The following ZNF804A variants were observed in gnomAD, a reference collection of about 807,000 sequenced individuals.
The protein encoded by ZNF804A is zinc finger protein 804A.
ZNF804A carries 2 observed loss-of-function variants against 16.5 expected under a neutral mutation model. The observed-to-expected ratio is 0.12, with a 90% CI of 0.05 to 0.38. ZNF804A has a LOEUF of 0.38. ZNF804A is among the 10% of genes least tolerant of loss of function. ZNF804A has a pLI of 0.99. For missense variants in ZNF804A, 1,473 were observed against 1,390.7 expected, an observed-to-expected ratio of 1.06 and a Z score of -0.94; for synonymous variants, 534 against 489.6, an observed-to-expected ratio of 1.09 and a Z score of -1.20.
chr2:184,921,715 G>A (rs1685531316), intron 2 of ZNF804A, among the ~76,000 whole-genome samples: 1 of 151,974 alleles, frequency 6.6e-6, no homozygotes, highest in African/African-American at 2.4e-5. Context: ...AAAATACTAG[G>A]AGTTACTTAT....
At chr2:184,688,840 C>G (rs1268528517) in intron 1 of ZNF804A, among the ~76,000 whole-genome samples, 1 of 152,050 alleles carries the variant, frequency 6.6e-6, no homozygotes, top group Non-Finnish European at 1.5e-5. Context: ...TGCTAAATAT[C>G]TGACTATTTT....
chr2:184,672,545 A>C (rs1384930624), intron 1 of ZNF804A, among the ~76,000 whole-genome samples: 1 of 152,200 alleles, frequency 6.6e-6, no homozygotes, highest in Non-Finnish European at 1.5e-5. Flanking sequence ...TGAAATTATA[A>C]AATATGTTAG....
chr2:184,683,524 C>T (rs1692575696), intron 1 of ZNF804A, among the ~76,000 whole-genome samples: 1 of 152,146 alleles, frequency 6.6e-6, no homozygotes, highest in Admixed American at 6.5e-5. Flanking sequence ...ATTTATTTCC[C>T]TGCATCACTG....
chr2:184,667,744 G>A (rs755988349), intron 1 of ZNF804A, among the ~76,000 whole-genome samples: 35 of 151,726 alleles, frequency 2.3e-4, no homozygotes, highest in Non-Finnish European at 4.6e-4. Flanking sequence ...CTTATTATCT[G>A]TAGTGTGGAG....
At chr2:184,741,093 C>T (rs1693703017) in intron 1 of ZNF804A, among the ~76,000 whole-genome samples, 1 of 152,088 alleles carries the variant, frequency 6.6e-6, no homozygotes, top group Admixed American at 6.6e-5. Context: ...TCTCCAAGAC[C>T]ACCGCTTGTG....
chr2:184,684,666 C>T (rs146873547), intron 1 of ZNF804A, among the ~76,000 whole-genome samples: 6 of 152,188 alleles, frequency 3.9e-5, no homozygotes, highest in African/African-American at 1.4e-4. Context: ...ATATGGATCC[C>T]ATCACCCAGT....
At chr2:184,756,747 A>G (rs911413228) in intron 1 of ZNF804A, among the ~76,000 whole-genome samples, 9 of 152,004 alleles carry the variant, frequency 5.9e-5, no homozygotes, top group Non-Finnish European at 1.2e-4. Context: ...TAGGTGTACG[A>G]GTGTGTATAG....
chr2:184,767,637 T>A (rs965900033), intron 1 of ZNF804A, among the ~76,000 whole-genome samples: 1 of 152,168 alleles, frequency 6.6e-6, no homozygotes. Context: ...CACCACTCAC[T>A]TTATTAAAAT....
intron 1 of ZNF804A, among the ~76,000 whole-genome samples, chr2:184,612,014 G>A (rs1402914031): frequency 6.6e-6 from 1 of 152,020 alleles, no homozygotes; most frequent in Non-Finnish European, 1.5e-5. Context: ...TGTTTTTAGG[G>A]TTTTTTAGTT....
chr2:184,705,846 T>C (rs970953030), intron 1 of ZNF804A, among the ~76,000 whole-genome samples: 4 of 152,044 alleles, frequency 2.6e-5, no homozygotes, highest in African/African-American at 9.7e-5. Context: ...ATGGCTTTCT[T>C]TTCACAAAAG....
At chr2:184,931,526 T>C (rs1336692491) in intron 2 of ZNF804A, among the ~76,000 whole-genome samples, 1 of 152,128 alleles carries the variant, frequency 6.6e-6, no homozygotes, top group African/African-American at 2.4e-5. Context: ...TATCCATGGC[T>C]AGGATGCAGG....
intron 1 of ZNF804A, among the ~76,000 whole-genome samples, chr2:184,691,513 G>C (rs761791251): frequency 1.3e-5 from 2 of 151,298 alleles, no homozygotes; most frequent in African/African-American, 4.8e-5. Context: ...AGACAAACTA[G>C]TTTACAAAAG....
intron 2 of ZNF804A, among the ~76,000 whole-genome samples, chr2:184,930,721 C>T (rs1685684301): frequency 6.6e-6 from 1 of 152,100 alleles, no homozygotes; most frequent in Admixed American, 6.5e-5. Flanking sequence ...GGATCTAAAT[C>T]AGTTACACAA....
chr2:184,704,975 A>G (rs1163592131), intron 1 of ZNF804A, among the ~76,000 whole-genome samples: 1 of 152,226 alleles, frequency 6.6e-6, no homozygotes, highest in Non-Finnish European at 1.5e-5. Context: ...AACAATTCTC[A>G]AATCACATTG....
chr2:184,705,535 C>T (rs995136426), intron 1 of ZNF804A, among the ~76,000 whole-genome samples: 10 of 152,088 alleles, frequency 6.6e-5, no homozygotes, highest in African/African-American at 2.2e-4. Context: ...AGTACAACTA[C>T]AATTATAACC....
At chr2:184,654,898 T>C (rs1241199973) in intron 1 of ZNF804A, among the ~76,000 whole-genome samples, 1 of 152,102 alleles carries the variant, frequency 6.6e-6, no homozygotes, top group East Asian at 1.9e-4. Context: ...ACCAAGTGAG[T>C]TTTTCCTTAT....
chr2:184,906,694 C>G (rs1350892870), intron 2 of ZNF804A, among the ~76,000 whole-genome samples: 1 of 152,072 alleles, frequency 6.6e-6, no homozygotes, highest in Non-Finnish European at 1.5e-5. Context: ...AATGTATACA[C>G]CTCATCAATC....
intron 1 of ZNF804A, among the ~76,000 whole-genome samples, chr2:184,664,227 T>C (rs1692222861): frequency 6.6e-6 from 1 of 152,136 alleles, no homozygotes; most frequent in Non-Finnish European, 1.5e-5. Context: ...ATTATAAAGC[T>C]TAAGTAAATC....
At chr2:184,678,758 T>G (rs945679913) in intron 1 of ZNF804A, among the ~76,000 whole-genome samples, 1 of 152,176 alleles carries the variant, frequency 6.6e-6, no homozygotes, top group African/African-American at 2.4e-5. Flanking sequence ...CATGAACTAA[T>G]GGGTGCTGAA....
Sources: allele counts gnomAD v4.1 joint callset (sites outside exome capture counted in the v4.1 genomes callset), GRCh38; gene constraint gnomAD v4.1.1; transcripts MANE v1.5; gene names NCBI Gene and HGNC (gene_info 2026-07-23, HGNC 2026-07-21).